DAAM1: variants seen among roughly 807,000 people sequenced by gnomAD.
The protein encoded by DAAM1 is dishevelled associated activator of morphogenesis 1.
In DAAM1, 52 loss-of-function variants were observed where a neutral mutation model predicts 130.0. The ratio of observed to expected loss-of-function variants is 0.40; its 90% confidence interval spans 0.32 to 0.50. The LOEUF (loss-of-function observed/expected upper bound fraction) is 0.50, where lower values mean the gene tolerates loss of function less well. DAAM1 is among the 20% of genes least tolerant of loss of function. The pLI, the probability that DAAM1 is intolerant of heterozygous loss-of-function variation, is 0.61. For missense variants in DAAM1, 1,134 were observed against 1,303.8 expected (o/e 0.87, Z 2.01); for synonymous variants, 452 against 444.5 (o/e 1.02, Z -0.21).
chr14:59,274,230 A>G (rs755734706), intron 2 of DAAM1, among the ~76,000 whole-genome samples: 3 of 152,182 alleles, frequency 2.0e-5, no homozygotes, highest in African/African-American at 4.8e-5. Flanking sequence ...TGTTTATTTC[A>G]TTACTCAGTG....
rs150072573 is a variant in DAAM1 at position 59,326,537 on chromosome 14, A to G, written c.1202A>G (p.Tyr401Cys). The change falls in exon 11 of 25, where the codon TAC (tyrosine) becomes TGC (cysteine). Residue 401 changes from tyrosine to cysteine, a missense_variant. Tyr to Cys is a radical substitution (Grantham distance 194, BLOSUM62 -2). This residue lies in a region of DAAM1 where 391 missense variants were observed against 521.6 expected (regional missense o/e 0.75). Transcript: ENST00000360909. ...PYKRSGNTVQ[Y>C]WLLLDRIIQQ... is the part of the protein sequence containing the mutation. ...AAGAGGAGTGGCAACACTGTTCAGT[A>G]CTGGCTACTACTAGATAGAATTATA... is the stretch of plus-strand genomic sequence containing the variant. The G allele has an allele frequency of 1.9e-6, 3 of 1,613,318 alleles. No individual in the cohort carries two copies. In the African/African-American group the frequency reaches 4.0e-5, roughly 22 times the overall value.
rs529262981 is a variant in DAAM1 at position 59,217,970 on chromosome 14, C to CAA, written c.-38+29215_-38+29216dup. Among the ~76,000 whole-genome samples, 136 of 109,784 alleles carry CAA rather than the reference C, an allele frequency of 1.2e-3. 1 individual carries two copies. The highest frequency in any genetic ancestry group is 0.012 in the East Asian group (48 of 3,882). 72.0% of individuals were successfully genotyped at this position (109,784 alleles called of 152,430 possible). A position where few individuals can be genotyped will look rare whatever the true frequency, so the allele number is the denominator to read the frequency against. On this transcript the variant is annotated intron_variant, in intron 1 of 24. Coordinates refer to ENST00000360909, the MANE Select transcript of DAAM1 (RefSeq NM_001270520.2). ...CCTGGGCGACAGAGCGACTCTGTCT[C>CAA]AAAAAAAAAAAAAAGGATCAGGTAT...
intron 3 of DAAM1, among the ~76,000 whole-genome samples, chr14:59,312,686 C>T (rs1884642459): frequency 6.6e-6 from 1 of 152,036 alleles, no homozygotes; most frequent in African/African-American, 2.4e-5. Context: ...TTTTTACTAG[C>T]CACTGACCAG....
intron 15 of DAAM1, 140 bp from the exon 16 acceptor site, chr14:59,339,934 C>A: frequency 1.8e-6 from 1 of 563,018 alleles, no homozygotes; most frequent in Non-Finnish European, 3.0e-6. Context: ...TCATTCTCCA[C>A]ACTTCCCACC....
intron 2 of DAAM1, among the ~76,000 whole-genome samples, chr14:59,267,767 A>G (rs1029134092): frequency 3.3e-5 from 5 of 152,182 alleles, no homozygotes; most frequent in African/African-American, 9.7e-5. Context: ...ATGGAATTAT[A>G]CAATATGTGG....
chr14:59,325,734 C>G lies in DAAM1; in HGVS notation c.1056+4C>G. ...ATTTGCCAAAAGATTTGAACTGGTA[C>G]GTATGCTTACAATTATTCTGGTTTG... On this transcript the variant is annotated splice_donor_region_variant and intron_variant, in intron 9 of 24. Transcript: ENST00000360909. The G allele has an allele frequency of 6.2e-7, 1 of 1,613,528 alleles. No homozygotes were observed. Among genetic ancestry groups the G allele is most frequent in the Non-Finnish European group, 8.5e-7 (1 of 1,179,538 alleles).
At chr14:59,337,603 A>T (rs1354905446) in intron 15 of DAAM1, among the ~76,000 whole-genome samples, 1 of 152,224 alleles carries the variant, frequency 6.6e-6, no homozygotes. Flanking sequence ...TTCTCACAGC[A>T]TGTCAGTTAC....
At chr14:59,193,047 C>T (rs774103376) in intron 1 of DAAM1, among the ~76,000 whole-genome samples, 4 of 148,794 alleles carry the variant, frequency 2.7e-5, no homozygotes, top group Non-Finnish European at 6.0e-5. Flanking sequence ...AGCGAGACTC[C>T]GTCTCAAAAC....
chr14:59,310,880 G>A (rs923103336), intron 3 of DAAM1, among the ~76,000 whole-genome samples: 26 of 151,892 alleles, frequency 1.7e-4, no homozygotes, highest in Admixed American at 1.3e-4. Context: ...GTGGTCTAGC[G>A]AACAACCGCA....
chr14:59,365,526 G>A (rs1886881767), intron 23 of DAAM1, among the ~76,000 whole-genome samples: 1 of 152,054 alleles, frequency 6.6e-6, no homozygotes, highest in African/African-American at 2.4e-5. Context: ...GACAGAAATG[G>A]TAAAAAGGAC....
At chr14:59,304,733 C>T (rs1231496998) in intron 3 of DAAM1, among the ~76,000 whole-genome samples, 4 of 152,162 alleles carry the variant, frequency 2.6e-5, no homozygotes, top group African/African-American at 4.8e-5. Flanking sequence ...TTCATGAGTA[C>T]ATTGTAGAGT....
intron 1 of DAAM1, among the ~76,000 whole-genome samples, chr14:59,220,307 A>G (rs1362464990): frequency 6.6e-6 from 1 of 152,228 alleles, no homozygotes; most frequent in Non-Finnish European, 1.5e-5. Context: ...TACTTAACCT[A>G]TAAGTGGCAC....
chr14:59,256,689 G>A (rs776300777), intron 1 of DAAM1, among the ~76,000 whole-genome samples: 3 of 152,264 alleles, frequency 2.0e-5, no homozygotes, highest in Non-Finnish European at 4.4e-5. Flanking sequence ...AAAAGAGACC[G>A]ATATGGAAAC....
intron 3 of DAAM1, among the ~76,000 whole-genome samples, chr14:59,298,552 A>G (rs1884046424): frequency 6.6e-6 from 1 of 152,218 alleles, no homozygotes; most frequent in Non-Finnish European, 1.5e-5. Flanking sequence ...AAATGCTATA[A>G]TCTCAAAGCT....
At chr14:59,282,411 T>C (rs1453050908) in intron 2 of DAAM1, among the ~76,000 whole-genome samples, 1 of 152,186 alleles carries the variant, frequency 6.6e-6, no homozygotes, top group Non-Finnish European at 1.5e-5. Context: ...TATTCTGTCT[T>C]CAGATGAAGA....
intron 3 of DAAM1, among the ~76,000 whole-genome samples, chr14:59,296,683 G>A (rs997144877): frequency 6.6e-6 from 1 of 152,300 alleles, no homozygotes; most frequent in Non-Finnish European, 1.5e-5. Context: ...GGTTACAGCA[G>A]TGAGAGTTGA....
intron 20 of DAAM1, 123 bp from the exon 21 acceptor site, chr14:59,359,274 C>T: frequency 1.4e-6 from 1 of 728,546 alleles, no homozygotes; most frequent in Non-Finnish European, 2.2e-6. Context: ...GGTAATATAG[C>T]ATTATTGTGG....
Position 59,306,082 on chromosome 14 carries a change from G to GTT in DAAM1, c.274-9189_274-9188dup, listed in dbSNP as rs11458250. Among the ~76,000 whole-genome samples the GTT allele has an allele frequency of 4.7e-3, 708 of 149,930 alleles. 5 individuals are homozygous for GTT. The highest frequency in any genetic ancestry group is 0.015 in the African/African-American group (599 of 40,934). On this transcript the variant is annotated intron_variant, in intron 3 of 24. Coordinates refer to ENST00000360909, the MANE Select transcript of DAAM1 (RefSeq NM_001270520.2). ...GAGAGTTAATGAACACTTGACTGTT[G>GTT]TTTTTTTTTTAACATGATGACCAGA... is the stretch of plus-strand genomic sequence containing the variant.
rs763008674 is a variant in DAAM1, at chr14:59,263,568, C to T, written c.91C>T (p.Arg31Ter). ...TCACCCAGAAATCACGTATCGGCTGCGAAATGATAGCAACTTTGCGCTTCA... is the reference window on the plus strand; with the variant it reads ...TCACCCAGAAATCACGTATCGGCTGTGAAATGATAGCAACTTTGCGCTTCA... ...NDHPEITYRL[R>*]NDSNFALQTM... The change falls in exon 2 of 25, where the codon CGA becomes TGA. Residue 31 changes from arginine to a stop codon, truncating the protein, a stop_gained. Transcript: ENST00000360909. LOFTEE classifies it high-confidence loss of function. 7 of 1,614,014 alleles carry T rather than the reference C, an allele frequency of 4.3e-6. No homozygotes were observed. Among genetic ancestry groups the T allele is most frequent in the Non-Finnish European group, 5.9e-6 (7 of 1,180,026 alleles).
Sources: allele counts gnomAD v4.1 joint callset (sites outside exome capture counted in the v4.1 genomes callset), GRCh38; gene constraint gnomAD v4.1.1; regional missense constraint gnomAD v4.1.1; transcripts MANE v1.5; gene names NCBI Gene and HGNC (gene_info 2026-07-23, HGNC 2026-07-21).